AASS: variants seen among roughly 807,000 people sequenced by gnomAD.
AASS encodes the protein aminoadipate-semialdehyde synthase, also known as alpha-aminoadipic semialdehyde synthase, mitochondrial.
AASS carries 86 observed loss-of-function variants against 105.4 expected under a neutral mutation model. The ratio of observed to expected loss-of-function variants is 0.82; its 90% confidence interval spans 0.69 to 0.98. AASS has a LOEUF of 0.98. AASS is among the 50% of genes least tolerant of loss of function. The pLI, the probability that AASS is intolerant of heterozygous loss-of-function variation, is 0.00. For missense variants in AASS, 1,048 were observed against 1,143.2 expected (o/e 0.92, Z 1.20); for synonymous variants, 381 against 394.8 (o/e 0.96, Z 0.41).
intron 15 of AASS, among the ~76,000 whole-genome samples, chr7:122,095,926 CTAA>C (rs1223035950): frequency 6.6e-6 from 1 of 152,202 alleles, no homozygotes; most frequent in East Asian, 1.9e-4. Flanking sequence ...TTACTAAGAT[CTAA>C]TAATATTTTA....
chr7:122,098,177 G>A (rs1203857733), intron 15 of AASS, among the ~76,000 whole-genome samples: 1 of 151,948 alleles, frequency 6.6e-6, no homozygotes, highest in East Asian at 1.9e-4. Context: ...TACCCTTAGA[G>A]GATGGGGTAA....
chr7:122,124,268 T>C (rs1202652189), intron 4 of AASS, among the ~76,000 whole-genome samples: 1 of 152,022 alleles, frequency 6.6e-6, no homozygotes, highest in East Asian at 1.9e-4. Flanking sequence ...TTTTGTTTTG[T>C]TTGTTTTTTG....
chr7:122,143,936 G>A lies in AASS; in HGVS notation c.-16+225C>T, dbSNP rs1013423940. ...CCTTCCTCGCAGTGAAACTCTCTGC[G>A]TTTCCGCTCTCCCTCCATTCCTCGC... On this transcript the variant is annotated intron_variant, in intron 1 of 23. Coordinates refer to ENST00000417368, the MANE Select transcript of AASS (RefSeq NM_005763.4). Among the ~76,000 whole-genome samples the A allele has an allele frequency of 4.6e-5, 7 of 152,106 alleles. No homozygotes were observed. The East Asian group carries it at 5.8e-4, about 13-fold the overall frequency.
chr7:122,084,009 G>A (rs1045596228), intron 19 of AASS, among the ~76,000 whole-genome samples: 2 of 151,962 alleles, frequency 1.3e-5, no homozygotes, highest in South Asian at 4.1e-4. Context: ...TTTATTCAAT[G>A]TTTAAATCTA....
At chr7:122,140,508 A>AAAAAAAAAAAAT (rs58125601) in intron 1 of AASS, among the ~76,000 whole-genome samples, 1 of 149,540 alleles carries the variant, frequency 6.7e-6, no homozygotes, top group Non-Finnish European at 1.5e-5. Context: ...AAAAAAAAAA[A>AAAAAAAAAAAAT]GAATGAACTA....
At chr7:122,126,548 T>C in intron 3 of AASS, 89 bp from the exon 4 acceptor site, 1 of 1,111,062 alleles carries the variant, frequency 9.0e-7, no homozygotes, top group Non-Finnish European at 1.4e-6. Context: ...ATATTTCACA[T>C]TTTTTCCTCT....
intron 12 of AASS, 88 bp from the exon 13 acceptor site, chr7:122,101,526 A>G: frequency 1.4e-6 from 2 of 1,476,840 alleles, no homozygotes; most frequent in East Asian, 2.3e-5. Context: ...AAAAGACAGA[A>G]TGACAAAGAT....
intron 4 of AASS, among the ~76,000 whole-genome samples, chr7:122,122,708 T>C (rs1795493960): frequency 1.3e-5 from 2 of 152,180 alleles, no homozygotes; most frequent in East Asian, 3.9e-4. Context: ...TATCTATCAA[T>C]CAATAGACAC....
At chr7:122,109,104 A>G (rs1386187838) in intron 11 of AASS, among the ~76,000 whole-genome samples, 4 of 152,020 alleles carry the variant, frequency 2.6e-5, no homozygotes, top group Non-Finnish European at 4.4e-5. Flanking sequence ...AAAGATCTCT[A>G]TACTAAAAAC....
intron 11 of AASS, among the ~76,000 whole-genome samples, chr7:122,105,380 C>A (rs1030136652): frequency 6.6e-6 from 1 of 151,932 alleles, no homozygotes; most frequent in East Asian, 1.9e-4. Flanking sequence ...CAAAATGGAC[C>A]TAATAGATAA....
At chr7:122,081,390 A>G (rs1295848702) in intron 20 of AASS, 110 bp downstream of exon 20, 4 of 883,026 alleles carry the variant, frequency 4.5e-6, no homozygotes, top group Non-Finnish European at 7.8e-6. Flanking sequence ...CTTCCTGCTC[A>G]TAAGCTAAAA....
chr7:122,092,927 G>C lies in AASS; in HGVS notation c.1791C>G (p.Ile597Met). 1 of 1,613,888 alleles carries C rather than the reference G, an allele frequency of 6.2e-7. No individual in the cohort carries two copies. Among genetic ancestry groups the C allele is most frequent in the Non-Finnish European group, 8.5e-7 (1 of 1,179,864 alleles). The change falls in exon 17 of 24, where the codon ATC becomes ATG. Residue 597 changes from isoleucine to methionine, a missense_variant. By Grantham distance (10) the Ile-to-Met change is conservative (BLOSUM62 1). Coordinates refer to ENST00000417368, the MANE Select transcript of AASS (RefSeq NM_005763.4). ...CAGGGTCCAATCCCAATTCACCAAT[G>C]ATTGTGATGCCAGCATCTTCCACAC... is the stretch of plus-strand genomic sequence containing the variant. ...EKSVEDAGIT[I>M]IGELGLDPGL... is the part of the protein sequence containing the mutation.
In AASS at chr7:122,116,706, T is replaced by A. The variant is rs780451768; in HGVS notation, c.821A>T (p.Lys274Ile). Residue 274 changes from lysine to isoleucine, a missense_variant, in exon 8 of 24, where the codon AAA (lysine) becomes ATA (isoleucine). Coordinates refer to ENST00000417368, the MANE Select transcript of AASS (RefSeq NM_005763.4). ...VLSRHHHLVR[K>I]TDAVYDPAEY... ...TGCAGGATCATACACAGCATCTGTT[T>A]TCCTGACAAGATGATGATGACGACT... 1 of 1,614,132 alleles carries A rather than the reference T, an allele frequency of 6.2e-7. No homozygotes were observed. Among genetic ancestry groups the A allele is most frequent in the South Asian group, 1.1e-5 (1 of 91,086 alleles).
At chr7:122,087,187 T>C (rs568908860) in intron 18 of AASS, among the ~76,000 whole-genome samples, 2 of 152,316 alleles carry the variant, frequency 1.3e-5, no homozygotes, top group South Asian at 4.1e-4. Flanking sequence ...AGGATTTGCC[T>C]GAAGAGGCCT....
intron 18 of AASS, among the ~76,000 whole-genome samples, chr7:122,091,265 A>G (rs2150515459): frequency 6.6e-6 from 1 of 152,246 alleles, no homozygotes; most frequent in Middle Eastern, 3.4e-3. Flanking sequence ...TTCTTTCCCC[A>G]GCACACCAAA....
intron 4 of AASS, among the ~76,000 whole-genome samples, chr7:122,119,761 G>C (rs1795356107): frequency 6.6e-6 from 1 of 152,080 alleles, no homozygotes; most frequent in East Asian, 1.9e-4. Flanking sequence ...CACAACTACT[G>C]ATCTTTCTCT....
chr7:122,108,993 G>T lies in AASS; in HGVS notation c.1278+4125C>A, dbSNP rs112714154. On this transcript the variant is annotated intron_variant, in intron 11 of 23. Coordinates refer to ENST00000417368, the MANE Select transcript of AASS (RefSeq NM_005763.4). ...CAAAATCAACATACAAAAATTAGTA[G>T]CATTTCTATATGCCAACTGTGAACA... Among the ~76,000 whole-genome samples the T allele has an allele frequency of 7.0e-4, 106 of 152,016 alleles. 1 individual carries two copies. The highest frequency in any genetic ancestry group is 2.4e-3 in the African/African-American group (100 of 41,506).
Position 122,091,743 on chromosome 7 carries a change from A to T in AASS, c.1976T>A (p.Met659Lys). ...KFSWSPVGVL[M>K]NVMQSATYLL... ...ATAGGTGGCAGACTGCATTACATTC[A>T]TCAAAACTCCCACTGGACTCCAGCT... The change falls in exon 18 of 24, where the codon ATG (methionine) becomes AAG (lysine). Residue 659 changes from methionine (M) to lysine (K), a missense_variant. Coordinates refer to ENST00000417368, the MANE Select transcript of AASS (RefSeq NM_005763.4). 6.2e-7 allele frequency: 1 copy of T among 1,613,602 alleles called. No homozygotes were observed. Among genetic ancestry groups the T allele is most frequent in the Non-Finnish European group, 8.5e-7 (1 of 1,179,708 alleles).
chr7:122,110,957 A>AT (rs1259433573), intron 11 of AASS, among the ~76,000 whole-genome samples: 1 of 152,152 alleles, frequency 6.6e-6, no homozygotes, highest in Non-Finnish European at 1.5e-5. Context: ...CAATTCACAT[A>AT]TTAACAGAGA....
Sources: gnomAD v4.1 joint callset for allele counts (sites outside exome capture counted in the v4.1 genomes callset) on GRCh38, gnomAD v4.1.1 for gene constraint, MANE v1.5 for transcripts, NCBI Gene and HGNC (gene_info 2026-07-23, HGNC 2026-07-21) for gene names.